Variants in BMPR2 observed in about 807,000 individuals in gnomAD.
BMPR2 encodes bone morphogenetic protein receptor type 2.
BMPR2 carries 29 observed loss-of-function variants against 100.8 expected under a neutral mutation model. The ratio of observed to expected loss-of-function variants is 0.29; its 90% confidence interval spans 0.21 to 0.39. The LOEUF (loss-of-function observed/expected upper bound fraction) is 0.39, where lower values mean the gene tolerates loss of function less well. BMPR2 is among the 10% of genes least tolerant of loss of function. BMPR2 has a pLI of 1.00. For synonymous variants in BMPR2, 382 were observed against 442.3 expected (o/e 0.86, Z 1.71); for missense variants, 1,011 against 1,274.5 (o/e 0.79, Z 3.15).
At chr2:202,406,002 T>A (rs1461788490) in intron 1 of BMPR2, among the ~76,000 whole-genome samples, 1 of 148,034 alleles carries the variant, frequency 6.8e-6, no homozygotes, top group Non-Finnish European at 1.5e-5. Context: ...GCTAGAACAG[T>A]AGAAACTCTG....
intron 1 of BMPR2, among the ~76,000 whole-genome samples, chr2:202,444,201 A>G (rs1483441486): frequency 1.3e-5 from 2 of 150,766 alleles, no homozygotes; most frequent in Non-Finnish European, 2.9e-5. Flanking sequence ...AACCTTGCTC[A>G]GCAAAATTTT....
chr2:202,531,930 ATTTTT>A (rs71035015), intron 8 of BMPR2, among the ~76,000 whole-genome samples: 1 of 52,278 alleles, frequency 1.9e-5, no homozygotes. Context: ...GCCCAGCTGT[ATTTTT>A]TTTTTTTTTT....
intron 4 of BMPR2, 126 bp from the exon 5 acceptor site, chr2:202,514,762 T>C (rs918740495): frequency 1.1e-5 from 8 of 757,818 alleles, no homozygotes; most frequent in African/African-American, 1.7e-5. Context: ...CCTATTGACA[T>C]TAGGCATAAA....
chr2:202,382,600 TAGTG>T (rs1690327438), intron 1 of BMPR2, among the ~76,000 whole-genome samples: 1 of 152,216 alleles, frequency 6.6e-6, no homozygotes, highest in African/African-American at 2.4e-5. Context: ...AAGAAATACT[TAGTG>T]AATGAATAAT....
chr2:202,511,842 A>G (rs1687631667), intron 3 of BMPR2, among the ~76,000 whole-genome samples: 1 of 152,094 alleles, frequency 6.6e-6, no homozygotes, highest in Non-Finnish European at 1.5e-5. Flanking sequence ...TAACATGGTG[A>G]AACCCCATCT....
intron 10 of BMPR2, 52 bp downstream of exon 10, chr2:202,542,499 A>T (rs772579037): frequency 1.3e-5 from 21 of 1,598,716 alleles, no homozygotes; most frequent in Non-Finnish European, 1.8e-5. Flanking sequence ...AATATGTTTT[A>T]ATGTTGTTTG....
chr2:202,511,126 A>G (rs1687616127), intron 3 of BMPR2, among the ~76,000 whole-genome samples: 1 of 152,154 alleles, frequency 6.6e-6, no homozygotes, highest in Non-Finnish European at 1.5e-5. Context: ...CCACAAGGGA[A>G]ACCCTGTATC....
chr2:202,481,955 ACT>A (rs1454035580), intron 3 of BMPR2, among the ~76,000 whole-genome samples: 1 of 152,098 alleles, frequency 6.6e-6, no homozygotes, highest in Non-Finnish European at 1.5e-5. Flanking sequence ...AAGTACTGAA[ACT>A]CTATACCCAT....
At chr2:202,434,933 A>ATTTATT (rs1553500470) in intron 1 of BMPR2, among the ~76,000 whole-genome samples, 3 of 82,022 alleles carry the variant, frequency 3.7e-5, no homozygotes, top group African/African-American at 1.5e-4. Flanking sequence ...ATATATATAT[A>ATTTATT]TATTTATTTA....
chr2:202,518,401 GT>G (rs1239642604), intron 5 of BMPR2, among the ~76,000 whole-genome samples: 2 of 152,178 alleles, frequency 1.3e-5, no homozygotes, highest in East Asian at 3.9e-4. Context: ...GCCTCCCAAA[GT>G]GCTGAGATTA....
At chr2:202,521,286 G>A (rs761636685) in intron 7 of BMPR2, among the ~76,000 whole-genome samples, 2 of 152,188 alleles carry the variant, frequency 1.3e-5, no homozygotes, top group Non-Finnish European at 2.9e-5. Context: ...TGGCAGCCCG[G>A]GCGTGATTGA....
At chr2:202,544,581 T>A (rs566851342) in intron 10 of BMPR2, among the ~76,000 whole-genome samples, 1 of 152,202 alleles carries the variant, frequency 6.6e-6, no homozygotes, top group African/African-American at 2.4e-5. Context: ...TTTTGTTTTA[T>A]CCTCTTAATT....
chr2:202,499,282 A>G (rs566520619), intron 3 of BMPR2, among the ~76,000 whole-genome samples: 22 of 152,348 alleles, frequency 1.4e-4, no homozygotes, highest in African/African-American at 5.1e-4. Flanking sequence ...TGTTAGATCA[A>G]ACCCTGGCCT....
chr2:202,441,540 T>TAA lies in BMPR2; in HGVS notation c.77-23258_77-23257dup, dbSNP rs1217647720. Among the ~76,000 whole-genome samples the TAA allele has an allele frequency of 3.1e-5, 4 of 127,972 alleles. No homozygotes were observed. The East Asian group carries it at 6.8e-4, about 22-fold the overall frequency. The allele number at this position is 127,972 out of a possible 152,430, so 84.0% of individuals were successfully genotyped here. A position where few individuals can be genotyped will look rare whatever the true frequency, so the allele number is the denominator to read the frequency against. Reference sequence around the variant, plus strand: ...TAACACGGTGAAACCCCGTCTCTACTAAAAAAAAAAAACAACAAAAAACAA... The same window carrying TAA: ...TAACACGGTGAAACCCCGTCTCTACTAAAAAAAAAAAAAACAACAAAAAACAA... On this transcript the variant is annotated intron_variant, in intron 1 of 12. Coordinates refer to ENST00000374580, the MANE Select transcript of BMPR2 (RefSeq NM_001204.7).
Position 202,503,137 on chromosome 2 carries a change from A to G in BMPR2, c.419-10582A>G, listed in dbSNP as rs1402161473. On this transcript the variant is annotated intron_variant, in intron 3 of 12. Transcript: ENST00000374580. This position sits in a 1 kb window ranked among gnomAD's most constrained non-coding sequence, Gnocchi z 4.0. The stretch of plus-strand genomic sequence containing the variant: ...CCCTTCTTTGCCCCTATCCAGCAGG[A>G]AATAGCTAGAGCGGTCATTGGCCAA... 6.6e-6 allele frequency among the ~76,000 whole-genome samples: 1 copy of G among 152,226 alleles called. No individual in the cohort carries two copies. Among genetic ancestry groups the G allele is most frequent in the Admixed American group, 6.5e-5 (1 of 15,286 alleles).
rs1181795159 is a variant in BMPR2, at chr2:202,567,070, C to A, written c.*7124C>A. ...GCAATTTTTGTATGCCTTGTTATTTCATTTCCATAGAGATTATATTGTATC... is the reference window on the plus strand; with the variant it reads ...GCAATTTTTGTATGCCTTGTTATTTAATTTCCATAGAGATTATATTGTATC... On this transcript the variant is annotated 3_prime_UTR_variant, in exon 13 of 13. Transcript: ENST00000374580. 1 of 152,126 alleles carries A rather than the reference C, an allele frequency of 6.6e-6. No homozygotes were observed. The highest frequency in any genetic ancestry group is 1.5e-5 in the Non-Finnish European group (1 of 68,004). 9.4% of individuals were successfully genotyped at this position (152,126 alleles called of 1,614,324 possible). A position where few individuals can be genotyped will look rare whatever the true frequency, so the allele number is the denominator to read the frequency against.
intron 3 of BMPR2, among the ~76,000 whole-genome samples, chr2:202,475,375 G>A (rs1042215081): frequency 5.9e-5 from 9 of 151,720 alleles, no homozygotes; most frequent in African/African-American, 2.4e-5. Context: ...AACATCTCAC[G>A]TACCCCATAA....
chr2:202,528,861 C>T (rs35942575), intron 7 of BMPR2, among the ~76,000 whole-genome samples: 18,098 of 152,206 alleles, frequency 0.12, 1,192 homozygotes, highest in Admixed American at 0.14. Flanking sequence ...ACTATTTTTA[C>T]TTGAAGTGCT....
chr2:202,501,287 G>A (rs1484269283), intron 3 of BMPR2, among the ~76,000 whole-genome samples: 5 of 152,162 alleles, frequency 3.3e-5, no homozygotes, highest in Admixed American at 6.5e-5. Context: ...TGGAATTACC[G>A]GCTTTTGCCG....
Sources: allele counts gnomAD v4.1 joint callset (sites outside exome capture counted in the v4.1 genomes callset), GRCh38; gene constraint gnomAD v4.1.1; non-coding constraint Gnocchi (gnomAD v3.1); transcripts MANE v1.5; gene names NCBI Gene and HGNC (gene_info 2026-07-23, HGNC 2026-07-21).